RAB7A: variants seen among roughly 807,000 people sequenced by gnomAD.
RAB7A encodes ras-related protein Rab-7a.
A neutral mutation model predicts 24.5 loss-of-function variants in RAB7A; 2 were observed. The observed-to-expected ratio is 0.08, with a 90% CI of 0.03 to 0.26. The LOEUF (loss-of-function observed/expected upper bound fraction) is 0.26, where lower values mean the gene tolerates loss of function less well. Ranked by LOEUF, RAB7A falls within the 10% of genes least tolerant of loss-of-function variation. RAB7A has a pLI of 1.00. For synonymous variants in RAB7A, 100 were observed against 95.9 expected, an observed-to-expected ratio of 1.04 and a Z score of -0.25; for missense variants, 118 against 255.7, an observed-to-expected ratio of 0.46 and a Z score of 3.67.
At chr3:128,772,581 G>A (rs1932975464) in intron 1 of RAB7A, among the ~76,000 whole-genome samples, 1 of 152,158 alleles carries the variant, frequency 6.6e-6, no homozygotes, top group African/African-American at 2.4e-5. Flanking sequence ...GATGCACTTA[G>A]AAGCATGTTC....
At chr3:128,812,042 T>C (rs1211342631) in intron 5 of RAB7A, among the ~76,000 whole-genome samples, 1 of 152,004 alleles carries the variant, frequency 6.6e-6, no homozygotes, top group Non-Finnish European at 1.5e-5. Context: ...ATAGGGTTTT[T>C]TGGGGGGTGA....
At position 128,814,068 on chromosome 3, in the gene RAB7A, A is replaced by G. The variant is rs891968340; in HGVS notation, c.*646A>G. Reference sequence around the variant, plus strand: ...CTTATAGTACATGTTAATATATGCAACCAATTAAAATGTATAAATTAGTGT... The same window carrying G: ...CTTATAGTACATGTTAATATATGCAGCCAATTAAAATGTATAAATTAGTGT... On this transcript the variant is annotated 3_prime_UTR_variant, in exon 6 of 6. Transcript: ENST00000265062. 1.9e-5 allele frequency: 3 copies of G among 156,236 alleles called. No individual in the cohort carries two copies. The highest frequency in any genetic ancestry group is 7.2e-5 in the African/African-American group (3 of 41,588). 9.7% of individuals were successfully genotyped at this position (156,236 alleles called of 1,614,324 possible).
chr3:128,765,988 C>G (rs370560973), intron 1 of RAB7A, among the ~76,000 whole-genome samples: 17 of 152,134 alleles, frequency 1.1e-4, no homozygotes, highest in African/African-American at 3.9e-4. Context: ...TCTTGAACTC[C>G]TGACCTCAGG....
intron 1 of RAB7A, chr3:128,764,916 A>G: frequency 6.3e-7 from 1 of 1,578,990 alleles, no homozygotes; most frequent in Non-Finnish European, 8.6e-7. Context: ...CGGACAGGTA[A>G]ACGTAGGAGG....
At chr3:128,798,731 C>G (rs141218989) in intron 3 of RAB7A, 2 of 168,078 alleles carry the variant, frequency 1.2e-5, no homozygotes, top group Admixed American at 1.2e-4. Flanking sequence ...GGATGGATAC[C>G]TTGAGCCCAG....
rs368451663 is a variant in RAB7A at position 128,800,467 on chromosome 3, G to C, written c.180+2398G>C. 2.0e-5 allele frequency among the ~76,000 whole-genome samples: 3 copies of C among 152,308 alleles called. No individual in the cohort carries two copies. In the East Asian group the frequency reaches 5.8e-4, roughly 29 times the overall value. ...CAGTCCCGTCTGTACTACTAAGCTG[G>C]GACCTTGGGGCGCTGCACTCTTGAA... On this transcript the variant is annotated intron_variant, in intron 3 of 5. Transcript: ENST00000265062.
At chr3:128,784,708 A>T (rs984722999) in intron 1 of RAB7A, among the ~76,000 whole-genome samples, 1 of 152,022 alleles carries the variant, frequency 6.6e-6, no homozygotes, top group Admixed American at 6.6e-5. Context: ...CCCCCTTCAT[A>T]TCCAGGTTCA....
intron 2 of RAB7A, 61 bp from the exon 3 acceptor site, chr3:128,797,881 AT>A: frequency 6.3e-7 from 1 of 1,581,120 alleles, no homozygotes; most frequent in Non-Finnish European, 8.7e-7. Flanking sequence ...GCTTCAAGTA[AT>A]TCGTGTCAGT....
Position 128,809,936 on chromosome 3 carries a change from C to CTTTTTTTTTTTTTTTTTTTTTTTTT in RAB7A, c.528+2271_528+2295dup, listed in dbSNP as rs869119619. ...GAGGCAAGTTTCCTCTTGCCACAGT[C>CTTTTTTTTTTTTTTTTTTTTTTTTT]TTTTTTTTTTTTTTTTTTTTTTTTT... On this transcript the variant is annotated intron_variant, in intron 5 of 5. Coordinates refer to ENST00000265062, the MANE Select transcript of RAB7A (RefSeq NM_004637.6). 1.6e-3 allele frequency among the ~76,000 whole-genome samples: 85 copies of CTTTTTTTTTTTTTTTTTTTTTTTTT among 52,258 alleles called. 28 individuals are homozygous for CTTTTTTTTTTTTTTTTTTTTTTTTT. Among genetic ancestry groups the CTTTTTTTTTTTTTTTTTTTTTTTTT allele is most frequent in the Non-Finnish European group, 2.1e-3 (62 of 29,582 alleles). 34.3% of individuals were successfully genotyped at this position (52,258 alleles called of 152,430 possible). A position where few individuals can be genotyped will look rare whatever the true frequency, so the allele number is the denominator to read the frequency against.
Position 128,730,671 on chromosome 3 carries a change from G to C in RAB7A, c.-9+4312G>C, listed in dbSNP as rs28375419. 8.1e-3 allele frequency among the ~76,000 whole-genome samples: 1,236 copies of C among 152,336 alleles called. 9 individuals are homozygous for C. Among genetic ancestry groups the C allele is most frequent in the Non-Finnish European group, 0.014 (983 of 68,034 alleles). ...TTTCAATTTTAGTATCCCAGGCTGTGATTACAAAAACATATTTAAGAATAG... is the reference window on the plus strand; with the variant it reads ...TTTCAATTTTAGTATCCCAGGCTGTCATTACAAAAACATATTTAAGAATAG... On this transcript the variant is annotated intron_variant, in intron 1 of 5. Transcript: ENST00000265062.
intron 1 of RAB7A, among the ~76,000 whole-genome samples, chr3:128,750,927 G>A (rs144149335): frequency 0.012 from 1,830 of 152,338 alleles, 33 homozygotes; most frequent in African/African-American, 0.039. Flanking sequence ...AGCTCCAGCC[G>A]TGGCTGAAAG....
At chr3:128,773,443 G>A (rs1441846156) in intron 1 of RAB7A, among the ~76,000 whole-genome samples, 3 of 142,376 alleles carry the variant, frequency 2.1e-5, no homozygotes, top group Non-Finnish European at 4.8e-5. Context: ...GCCCCCGCCC[G>A]GCCAGCCGCC....
chr3:128,755,867 A>G (rs1392216892), intron 1 of RAB7A, among the ~76,000 whole-genome samples: 1 of 152,130 alleles, frequency 6.6e-6, no homozygotes, highest in African/African-American at 2.4e-5. Flanking sequence ...TGCTGCACCC[A>G]TTAACTCGTC....
At chr3:128,729,042 CAG>C (rs1339923960) in intron 1 of RAB7A, among the ~76,000 whole-genome samples, 2 of 152,128 alleles carry the variant, frequency 1.3e-5, no homozygotes, top group Admixed American at 6.5e-5. Context: ...CATAAGTAAA[CAG>C]AGGGTGGAAT....
intron 1 of RAB7A, among the ~76,000 whole-genome samples, chr3:128,771,543 T>A (rs1337030395): frequency 6.6e-6 from 1 of 152,254 alleles, no homozygotes; most frequent in Admixed American, 6.5e-5. Flanking sequence ...GGCATTGGTC[T>A]CTGGCATCTT....
intron 1 of RAB7A, among the ~76,000 whole-genome samples, chr3:128,750,796 G>A (rs2070673576): frequency 6.6e-6 from 1 of 152,224 alleles, no homozygotes; most frequent in Non-Finnish European, 1.5e-5. Context: ...GCATGTCAGA[G>A]GTCCTCATGG....
intron 1 of RAB7A, among the ~76,000 whole-genome samples, chr3:128,752,896 A>G (rs1183406592): frequency 6.6e-6 from 1 of 152,072 alleles, no homozygotes; most frequent in African/African-American, 2.4e-5. Flanking sequence ...TAATGTGTAC[A>G]CTCAAAATAT....
chr3:128,785,942 C>T (rs967411581), intron 1 of RAB7A, among the ~76,000 whole-genome samples: 3 of 152,074 alleles, frequency 2.0e-5, no homozygotes, highest in East Asian at 3.9e-4. Context: ...AACAGACTGA[C>T]GGCCTACTTC....
At chr3:128,728,371 GATA>G (rs2070400751) in intron 1 of RAB7A, among the ~76,000 whole-genome samples, 1 of 152,214 alleles carries the variant, frequency 6.6e-6, no homozygotes, top group Admixed American at 6.5e-5. Context: ...GAGTGTAGAA[GATA>G]ATATTACAGT....
Sources: allele counts gnomAD v4.1 joint callset (sites outside exome capture counted in the v4.1 genomes callset), GRCh38; gene constraint gnomAD v4.1.1; transcripts MANE v1.5; gene names NCBI Gene and HGNC (gene_info 2026-07-23, HGNC 2026-07-21).